The following VPS53 variants were observed in gnomAD, a reference collection of about 807,000 sequenced individuals.
VPS53 encodes VPS53 subunit of GARP complex, also known as vacuolar protein sorting-associated protein 53 homolog.
Under a neutral mutation model 107.0 loss-of-function variants are expected in VPS53, and 70 were observed. The ratio of observed to expected loss-of-function variants is 0.65; its 90% CI spans 0.54 to 0.80. The LOEUF (loss-of-function observed/expected upper bound fraction) is 0.80. Ranked by LOEUF, VPS53 falls within the 30% of genes least tolerant of loss-of-function variation. The pLI, the probability that VPS53 is intolerant of heterozygous loss-of-function variation, is 0.00. For synonymous variants in VPS53, 409 were observed against 393.3 expected (o/e 1.04, Z -0.47); for missense variants, 917 against 1,049.4 (o/e 0.87, Z 1.74).
intron 11 of VPS53, among the ~76,000 whole-genome samples, chr17:606,108 G>A (rs1256497216): frequency 6.6e-6 from 1 of 152,092 alleles, no homozygotes; most frequent in Non-Finnish European, 1.5e-5. Flanking sequence ...GGTGATGGAC[G>A]ATAGAAAAAA....
At chr17:553,864 C>T (rs1391577286) in intron 15 of VPS53, among the ~76,000 whole-genome samples, 1 of 152,162 alleles carries the variant, frequency 6.6e-6, no homozygotes, top group African/African-American at 2.4e-5. Context: ...GCCACTGTGC[C>T]TGGCCAATCT....
intron 14 of VPS53, among the ~76,000 whole-genome samples, chr17:561,418 A>T (rs756435090): frequency 6.6e-6 from 1 of 152,138 alleles, no homozygotes; most frequent in Non-Finnish European, 1.5e-5. Context: ...TTTTCTGCTG[A>T]GATGCTGACT....
rs1317666251 is a variant in VPS53, at chr17:631,571, C to T, written c.666G>A (p.Ala222=). Reference sequence around the variant, plus strand: ...GTACCTTGGTGCCCTGGGAAGGAAACGCTTCTTCAAAATCTGCCAGGATTT... The same window carrying T: ...GTACCTTGGTGCCCTGGGAAGGAAATGCTTCTTCAAAATCTGCCAGGATTT... ...GQQILADFEE[A]FPSQGTKRPG... The change falls in exon 8 of 22, where the codon GCG becomes GCA. Residue 222 remains alanine (A), a synonymous_variant. Transcript: ENST00000437048. 14 of 1,613,912 alleles carry T rather than the reference C, an allele frequency of 8.7e-6. No individual in the cohort carries two copies. Among genetic ancestry groups the T allele is most frequent in the African/African-American group, 4.0e-5 (3 of 74,870 alleles).
intron 12 of VPS53, among the ~76,000 whole-genome samples, chr17:599,413 C>A (rs1357329714): frequency 1.9e-4 from 29 of 151,966 alleles, no homozygotes; most frequent in African/African-American, 6.5e-4. Flanking sequence ...ACTAAGAAAA[C>A]TTCTTCTGCC....
chr17:613,920 C>T (rs545837013), intron 11 of VPS53, among the ~76,000 whole-genome samples: 1 of 152,360 alleles, frequency 6.6e-6, no homozygotes, highest in South Asian at 2.1e-4. Flanking sequence ...GCATCACCCA[C>T]ACAACGGTGC....
At chr17:699,272 T>A (rs2143930687) in intron 3 of VPS53, 59 bp downstream of exon 3, 2 of 1,360,580 alleles carry the variant, frequency 1.5e-6, no homozygotes, top group East Asian at 5.4e-5. Context: ...CAGAATGTGA[T>A]TAACTAAATT....
Position 594,172 on chromosome 17 carries a change from G to A in VPS53, c.1218+7623C>T, listed in dbSNP as rs536219991. Among the ~76,000 whole-genome samples the A allele has an allele frequency of 1.0e-4, 15 of 148,976 alleles. No homozygotes were observed. In the East Asian group the frequency reaches 2.9e-3, roughly 29 times the overall value. On this transcript the variant is annotated intron_variant, in intron 12 of 21. Transcript: ENST00000437048. Reference sequence around the variant, plus strand: ...TGGGGACTGTTGTGGGGTGGGAGGAGGGGGGAGGGATAGCACTGGGAGATA... The same window carrying A: ...TGGGGACTGTTGTGGGGTGGGAGGAAGGGGGAGGGATAGCACTGGGAGATA...
intron 4 of VPS53, among the ~76,000 whole-genome samples, chr17:666,735 T>C (rs1056563182): frequency 6.6e-6 from 1 of 150,954 alleles, no homozygotes; most frequent in African/African-American, 2.4e-5. Context: ...CTGACCAACA[T>C]GGTGAAACCC....
At chr17:638,352 G>A (rs1970281064) in intron 7 of VPS53, among the ~76,000 whole-genome samples, 2 of 152,154 alleles carry the variant, frequency 1.3e-5, no homozygotes, top group African/African-American at 4.8e-5. Context: ...ACACCGATGG[G>A]TCTTGACTCT....
rs61137601 is a variant in VPS53 at position 693,806 on chromosome 17, G to A, written c.285+3612C>T. Reference sequence around the variant, plus strand: ...ACAATCAAGATTAAATTTATAAAACGAAAACCTCCTTTTGTCCATATGCCA... The same window carrying A: ...ACAATCAAGATTAAATTTATAAAACAAAAACCTCCTTTTGTCCATATGCCA... On this transcript the variant is annotated intron_variant, in intron 4 of 21. Coordinates refer to ENST00000437048, the MANE Select transcript of VPS53 (RefSeq NM_001128159.3). 6.3e-3 allele frequency among the ~76,000 whole-genome samples: 401 copies of A among 63,374 alleles called. 3 individuals are homozygous for A. The highest frequency in any genetic ancestry group is 0.023 in the African/African-American group (388 of 16,562). 41.6% of individuals were successfully genotyped at this position (63,374 alleles called of 152,430 possible). A position where few individuals can be genotyped will look rare whatever the true frequency, so the allele number is the denominator to read the frequency against.
Position 657,598 on chromosome 17 carries a change from G to C in VPS53, c.373-1645C>G, listed in dbSNP as rs549390982. On this transcript the variant is annotated intron_variant, in intron 5 of 21. Coordinates refer to ENST00000437048, the MANE Select transcript of VPS53 (RefSeq NM_001128159.3). ...ACCTTTGTCTTCCGGTGCACATAGC[G>C]AAAGTTTCTTAATAGCAATTTGGTT... 1.2e-4 allele frequency: 90 copies of C among 756,010 alleles called. No homozygotes were observed. In the African/African-American group the frequency reaches 1.6e-3, roughly 13 times the overall value. 46.8% of individuals were successfully genotyped at this position (756,010 alleles called of 1,614,324 possible). A position where few individuals can be genotyped will look rare whatever the true frequency, so the allele number is the denominator to read the frequency against.
intron 11 of VPS53, among the ~76,000 whole-genome samples, chr17:606,571 A>G (rs1472778315): frequency 1.3e-5 from 2 of 152,110 alleles, no homozygotes; most frequent in Non-Finnish European, 2.9e-5. Flanking sequence ...GCCACGGTAC[A>G]AGGCGGTTCC....
chr17:710,376 A>G (rs1248780190), intron 2 of VPS53, among the ~76,000 whole-genome samples, 157 bp downstream of exon 2: 1 of 152,184 alleles, frequency 6.6e-6, no homozygotes, highest in Non-Finnish European at 1.5e-5. Flanking sequence ...AACACAGTGT[A>G]GCTCACTGCC....
chr17:558,248 A>G (rs1369884802), intron 15 of VPS53, among the ~76,000 whole-genome samples: 2 of 152,228 alleles, frequency 1.3e-5, no homozygotes, highest in African/African-American at 4.8e-5. Context: ...TGAGTGGATC[A>G]CGAGGTCAGG....
At chr17:549,030 T>C (rs1911565807) in intron 17 of VPS53, among the ~76,000 whole-genome samples, 1 of 152,180 alleles carries the variant, frequency 6.6e-6, no homozygotes, top group African/African-American at 2.4e-5. Context: ...AGTTACTGGG[T>C]ATTGCTGTCA....
chr17:647,537 C>T (rs779288269), intron 7 of VPS53, among the ~76,000 whole-genome samples: 1 of 152,198 alleles, frequency 6.6e-6, no homozygotes, highest in Admixed American at 6.5e-5. Flanking sequence ...CCTCCTCCCC[C>T]ATCCGCTGAC....
At chr17:684,188 AG>A (rs1972501789) in intron 4 of VPS53, among the ~76,000 whole-genome samples, 1 of 152,256 alleles carries the variant, frequency 6.6e-6, no homozygotes, top group African/African-American at 2.4e-5. Context: ...ATGGGAACAA[AG>A]CAAACTATTC....
chr17:610,753 TAA>T lies in VPS53; in HGVS notation c.1117-8859_1117-8858del, dbSNP rs34089454. 7.8e-3 allele frequency among the ~76,000 whole-genome samples: 1,008 copies of T among 128,858 alleles called. 8 individuals carry two copies. The highest frequency in any genetic ancestry group is 0.022 in the African/African-American group (777 of 34,608). The allele number at this position is 128,858 out of a possible 152,430, so 84.5% of individuals were successfully genotyped here. Reference sequence around the variant, plus strand: ...CAACACGGCAAAACCCCGCCTCTACTAAAAAAAAAAAAAAAAAATACAAAAAA... The same window carrying T: ...CAACACGGCAAAACCCCGCCTCTACTAAAAAAAAAAAAAAAATACAAAAAA... On this transcript the variant is annotated intron_variant, in intron 11 of 21. Transcript: ENST00000437048.
At chr17:543,783 A>AGAAGGAAG (rs1195835497) in intron 17 of VPS53, among the ~76,000 whole-genome samples, 757 of 43,116 alleles carry the variant, frequency 0.018, 21 homozygotes, top group East Asian at 0.04. Context: ...TATGAAGAAG[A>AGAAGGAAG]GAAGGAAGGA....
Sources: allele counts gnomAD v4.1 joint callset (sites outside exome capture counted in the v4.1 genomes callset), GRCh38; gene constraint gnomAD v4.1.1; transcripts MANE v1.5; gene names NCBI Gene and HGNC (gene_info 2026-07-23, HGNC 2026-07-21).